The following FBXO16 variants were observed in gnomAD, a reference collection of about 807,000 sequenced individuals.
FBXO16 encodes the protein F-box protein 16.
In FBXO16, 31 loss-of-function variants were observed where a neutral mutation model predicts 41.0. That is an observed-to-expected ratio of 0.76 (90% CI 0.57 to 1.02). The LOEUF (loss-of-function observed/expected upper bound fraction) is 1.02, where lower values mean the gene tolerates loss of function less well. Among genes scored for constraint, FBXO16 ranks in the 50% least tolerant of loss-of-function variants. The probability of loss-of-function intolerance (pLI) is 0.00; values close to 1 mark genes in which losing one functional copy is unlikely to be tolerated. For synonymous variants in FBXO16, 133 were observed against 117.8 expected (o/e 1.13, Z -0.84); for missense variants, 361 against 346.2 (o/e 1.04, Z -0.34).
chr8:28,482,674 G>A (rs368077729), intron 2 of FBXO16, among the ~76,000 whole-genome samples: 5 of 151,964 alleles, frequency 3.3e-5, no homozygotes, highest in African/African-American at 2.4e-5. Context: ...GGGTTCAAGC[G>A]ATTCTCCCGC....
intron 3 of FBXO16, among the ~76,000 whole-genome samples, chr8:28,472,463 T>A (rs1348103848): frequency 6.6e-6 from 1 of 152,026 alleles, no homozygotes; most frequent in Non-Finnish European, 1.5e-5. Flanking sequence ...GGGCTGGGCA[T>A]GTGGTTCGCA....
Position 28,467,852 on chromosome 8 carries a change from A to C in FBXO16, c.136-4034T>G, listed in dbSNP as rs923856723. 4.6e-5 allele frequency among the ~76,000 whole-genome samples: 7 copies of C among 152,234 alleles called. No individual in the cohort carries two copies. The East Asian group carries it at 1.3e-3, about 29-fold the overall frequency. Reference sequence around the variant, plus strand: ...GTTCCTCATTTATTTCCCTGATTACAATGGTCAGAGGTAATTTGTTTGGCT... The same window carrying C: ...GTTCCTCATTTATTTCCCTGATTACCATGGTCAGAGGTAATTTGTTTGGCT... On this transcript the variant is annotated intron_variant, in intron 3 of 8. Coordinates refer to ENST00000380254, the MANE Select transcript of FBXO16 (RefSeq NM_172366.4).
intron 1 of FBXO16, among the ~76,000 whole-genome samples, chr8:28,485,191 G>T (rs1803582980): frequency 6.6e-6 from 1 of 151,996 alleles, no homozygotes; most frequent in South Asian, 2.1e-4. Context: ...TTTATTTTTT[G>T]AGAAGGAGTC....
intron 7 of FBXO16, among the ~76,000 whole-genome samples, chr8:28,442,033 T>G (rs1233338510): frequency 6.9e-6 from 1 of 144,824 alleles, no homozygotes; most frequent in Non-Finnish European, 1.5e-5. Flanking sequence ...AACCTCTGCC[T>G]CCCGGGTTAA....
intron 4 of FBXO16, among the ~76,000 whole-genome samples, chr8:28,459,813 G>A (rs1403984743): frequency 6.6e-6 from 1 of 151,854 alleles, no homozygotes; most frequent in Non-Finnish European, 1.5e-5. Flanking sequence ...GATCACTTGA[G>A]GTCAAGAGTT....
intron 5 of FBXO16, among the ~76,000 whole-genome samples, chr8:28,455,059 T>C (rs896392975): frequency 1.3e-5 from 2 of 150,730 alleles, no homozygotes; most frequent in African/African-American, 4.9e-5. Context: ...CTTTTTTCTC[T>C]TTTATTTCAT....
In FBXO16 at chr8:28,441,872, T is replaced by TTA. The variant is rs36230032; in HGVS notation, c.843+5297_843+5298dup. Among the ~76,000 whole-genome samples, 646 of 145,840 alleles carry TTA rather than the reference T, an allele frequency of 4.4e-3. 10 individuals are homozygous for TTA. The highest frequency in any genetic ancestry group is 0.027 in the South Asian group (125 of 4,680). ...ATAATGTGTGTATATATATGTGTGT[T>TTA]TATATATATATATATAAACTCCACA... On this transcript the variant is annotated intron_variant, in intron 7 of 8. Coordinates refer to ENST00000380254, the MANE Select transcript of FBXO16 (RefSeq NM_172366.4).
intron 4 of FBXO16, among the ~76,000 whole-genome samples, chr8:28,462,512 T>C (rs979219558): frequency 6.7e-6 from 1 of 150,136 alleles, no homozygotes; most frequent in African/African-American, 2.5e-5. Context: ...TCTCCTGACC[T>C]TGTGATCCGC....
chr8:28,468,371 G>A (rs1407836061), intron 3 of FBXO16, among the ~76,000 whole-genome samples: 2 of 152,108 alleles, frequency 1.3e-5, no homozygotes, highest in African/African-American at 4.8e-5. Context: ...GGGCGATCAG[G>A]TTCCACCCAC....
chr8:28,438,949 A>T (rs1802723347), intron 7 of FBXO16, among the ~76,000 whole-genome samples: 1 of 151,892 alleles, frequency 6.6e-6, no homozygotes, highest in South Asian at 2.1e-4. Context: ...AAAATACAAA[A>T]ATCAGCCGGG....
intron 1 of FBXO16, among the ~76,000 whole-genome samples, chr8:28,489,091 G>A (rs1413588707): frequency 6.6e-6 from 1 of 152,170 alleles, no homozygotes; most frequent in African/African-American, 2.4e-5. Flanking sequence ...GAAATGTTTG[G>A]GAGGCTGAGG....
chr8:28,466,611 GA>G (rs1287973572), intron 3 of FBXO16, among the ~76,000 whole-genome samples: 9 of 148,672 alleles, frequency 6.1e-5, no homozygotes, highest in South Asian at 2.1e-4. Flanking sequence ...CTGACACGGT[GA>G]AAACCCATCT....
At chr8:28,434,935 G>A (rs6558058) in intron 7 of FBXO16, among the ~76,000 whole-genome samples, 4 of 152,246 alleles carry the variant, frequency 2.6e-5, no homozygotes, top group Non-Finnish European at 5.9e-5. Flanking sequence ...CCCAGAGGGG[G>A]TGTCAGTGTG....
intron 3 of FBXO16, among the ~76,000 whole-genome samples, chr8:28,467,739 A>G (rs1231324856): frequency 6.6e-6 from 1 of 152,244 alleles, no homozygotes; most frequent in East Asian, 1.9e-4. Flanking sequence ...CGAATATAAA[A>G]GAACATTAGT....
At chr8:28,461,083 CTTT>C (rs60769796) in intron 4 of FBXO16, among the ~76,000 whole-genome samples, 17 of 136,404 alleles carry the variant, frequency 1.2e-4, no homozygotes, top group African/African-American at 1.6e-4. Flanking sequence ...TATACCTCTG[CTTT>C]TTTTTTTTTT....
At chr8:28,446,024 C>T (rs1164059243) in intron 7 of FBXO16, among the ~76,000 whole-genome samples, 1 of 152,076 alleles carries the variant, frequency 6.6e-6, no homozygotes, top group African/African-American at 2.4e-5. Flanking sequence ...CACAGGGCTT[C>T]GGAGCCACGA....
At chr8:28,484,519 A>C (rs1400555562) in intron 1 of FBXO16, among the ~76,000 whole-genome samples, 4 of 152,244 alleles carry the variant, frequency 2.6e-5, no homozygotes, top group Admixed American at 2.6e-4. Flanking sequence ...TCCCCAGCCA[A>C]GAGATGGTCA....
intron 3 of FBXO16, among the ~76,000 whole-genome samples, chr8:28,464,183 A>G (rs1196764184): frequency 6.6e-6 from 1 of 152,216 alleles, no homozygotes; most frequent in African/African-American, 2.4e-5. Context: ...GCATTATCCC[A>G]TCAGTGCTTA....
intron 7 of FBXO16, among the ~76,000 whole-genome samples, chr8:28,434,660 T>G (rs1802660243): frequency 6.6e-6 from 1 of 152,206 alleles, no homozygotes; most frequent in African/African-American, 2.4e-5. Flanking sequence ...AACGTTTTAT[T>G]ATGACTCCCA....
Sources: gnomAD v4.1 joint callset for allele counts (sites outside exome capture counted in the v4.1 genomes callset) on GRCh38, gnomAD v4.1.1 for gene constraint, MANE v1.5 for transcripts, NCBI Gene and HGNC (gene_info 2026-07-23, HGNC 2026-07-21) for gene names.